Variants in OSBPL9 observed in about 807,000 individuals in gnomAD.
OSBPL9 encodes oxysterol binding protein like 9.
Under a neutral mutation model 106.6 loss-of-function variants are expected in OSBPL9, and 40 were observed. The observed-to-expected ratio is 0.38, with a 90% CI of 0.29 to 0.49. The LOEUF is 0.49. Ranked by LOEUF, OSBPL9 falls within the 20% of genes least tolerant of loss-of-function variation. The pLI, the probability that OSBPL9 is intolerant of heterozygous loss-of-function variation, is 0.97. For missense variants in OSBPL9, 609 were observed against 887.2 expected, an observed-to-expected ratio of 0.69 and a Z score of 3.98; for synonymous variants, 269 against 295.4, an observed-to-expected ratio of 0.91 and a Z score of 0.92.
intron 2 of OSBPL9, among the ~76,000 whole-genome samples, chr1:51,599,618 T>C (rs984986589): frequency 1.3e-5 from 2 of 152,228 alleles, no homozygotes; most frequent in African/African-American, 4.8e-5. Context: ...TCTGTTTTAA[T>C]CTTTTGATCC....
chr1:51,772,805 T>A, intron 14 of OSBPL9, 82 bp downstream of exon 14: 2 of 929,958 alleles, frequency 2.2e-6, no homozygotes, highest in Non-Finnish European at 3.6e-6. Context: ...GCAAATGTAG[T>A]AAAATGACAT....
the OSBPL9 span, among the ~76,000 whole-genome samples, chr1:51,538,045 C>T: frequency 1.2e-4 from 18 of 152,104 alleles, 1 homozygote; most frequent in East Asian, 3.3e-3. Context: ...AATCTCAGCA[C>T]TTTGGGAGGC....
intron 11 of OSBPL9, among the ~76,000 whole-genome samples, chr1:51,765,257 A>G (rs1435935784): frequency 6.6e-6 from 1 of 152,068 alleles, no homozygotes; most frequent in African/African-American, 2.4e-5. Context: ...GTAGTCCTCT[A>G]TTTTTATCTC....
chr1:51,549,605 GCAGATCACTTGAGGT>G, the OSBPL9 span, among the ~76,000 whole-genome samples: 1 of 152,212 alleles, frequency 6.6e-6, no homozygotes, highest in Non-Finnish European at 1.5e-5. Context: ...GCTGAGATGG[GCAGATCACTTGAGGT>G]CAGGAGTTAG....
the OSBPL9 span, among the ~76,000 whole-genome samples, chr1:51,530,182 A>AAAAAAAAAAAAAAAAAAC: frequency 8.6e-6 from 1 of 116,784 alleles, no homozygotes; most frequent in African/African-American, 4.3e-5. Context: ...AAAAAAAAAA[A>AAAAAAAAAAAAAAAAAAC]AAAAAAAAAA....
At position 51,729,617 on chromosome 1, in the gene OSBPL9, T is replaced by C; in HGVS notation, c.318+15538T>C. 4.6e-6 allele frequency: 1 copy of C among 215,982 alleles called. No individual in the cohort carries two copies. The highest frequency in any genetic ancestry group is 8.9e-6 in the Non-Finnish European group (1 of 112,670). The allele number at this position is 215,982 out of a possible 1,614,324, so 13.4% of individuals were successfully genotyped here. The stretch of plus-strand genomic sequence containing the variant: ...GGCGCTCCGGACGCCCTCCCGCCGC[T>C]GCGCACCCCTCCCGCGAGCTGCCAG... On this transcript the variant is annotated intron_variant, in intron 4 of 23. Coordinates refer to ENST00000428468, the MANE Select transcript of OSBPL9 (RefSeq NM_024586.6). The surrounding 1 kb of genome is among the most constrained non-coding windows in gnomAD (Gnocchi z 5.1).
intron 2 of OSBPL9, among the ~76,000 whole-genome samples, chr1:51,607,118 T>G (rs919442716): frequency 2.0e-5 from 3 of 150,498 alleles, no homozygotes; most frequent in African/African-American, 7.3e-5. Flanking sequence ...AAACCAACCA[T>G]AATCCCACAA....
upstream of OSBPL9, among the ~76,000 whole-genome samples, chr1:51,574,869 T>C (rs1450352548): frequency 6.6e-6 from 1 of 152,220 alleles, no homozygotes; most frequent in African/African-American, 2.4e-5. Flanking sequence ...TCAATTTCCA[T>C]TTACCCTGTT....
In OSBPL9 at chr1:51,779,045, C is replaced by T. The variant is rs114380888; in HGVS notation, c.1257-2119C>T. On this transcript the variant is annotated intron_variant, in intron 15 of 23. Coordinates refer to ENST00000428468, the MANE Select transcript of OSBPL9 (RefSeq NM_024586.6). ...AATCTATGATACTAGAAACCAGAAG[C>T]AGTGTTTGCCTCAGAGTAAGTAAGA... is the stretch of plus-strand genomic sequence containing the variant. Among the ~76,000 whole-genome samples, 861 of 152,226 alleles carry T rather than the reference C, an allele frequency of 5.7e-3. 2 individuals carry two copies. Among genetic ancestry groups the T allele is most frequent in the African/African-American group, 0.02 (816 of 41,532 alleles).
intron 4 of OSBPL9, among the ~76,000 whole-genome samples, chr1:51,718,772 A>C (rs1207770681): frequency 6.6e-6 from 1 of 152,182 alleles, no homozygotes; most frequent in Non-Finnish European, 1.5e-5. Flanking sequence ...TCAGTATCGA[A>C]TTATAGCCTG....
chr1:51,549,503 T>A, the OSBPL9 span, among the ~76,000 whole-genome samples: 1 of 152,216 alleles, frequency 6.6e-6, no homozygotes, highest in Non-Finnish European at 1.5e-5. Context: ...TGTCTGTGGG[T>A]CTGACTCCGT....
intron 3 of OSBPL9, among the ~76,000 whole-genome samples, chr1:51,697,677 G>A (rs1259884600): frequency 6.6e-6 from 1 of 151,200 alleles, no homozygotes; most frequent in African/African-American, 2.4e-5. Context: ...TGTGAGTTAC[G>A]CTGGAAGAGT....
chr1:51,764,850 G>T (rs1403732646), intron 11 of OSBPL9, among the ~76,000 whole-genome samples: 1 of 152,178 alleles, frequency 6.6e-6, no homozygotes, highest in East Asian at 1.9e-4. Flanking sequence ...CTCCCAAAGT[G>T]CTGGAATTAC....
intron 2 of OSBPL9, among the ~76,000 whole-genome samples, chr1:51,663,294 A>AGG (rs1647548244): frequency 3.3e-5 from 2 of 61,372 alleles, no homozygotes; most frequent in African/African-American, 5.1e-5. Context: ...TTATGCTGGC[A>AGG]AGTGTGTGTG....
the OSBPL9 span, among the ~76,000 whole-genome samples, chr1:51,564,578 T>A: frequency 6.6e-6 from 1 of 152,238 alleles, no homozygotes; most frequent in Non-Finnish European, 1.5e-5. Context: ...TCTGCCTGCC[T>A]GGCAGTTTGC....
At chr1:51,556,598 A>G in the OSBPL9 span, among the ~76,000 whole-genome samples, 1 of 152,208 alleles carries the variant, frequency 6.6e-6, no homozygotes, top group Non-Finnish European at 1.5e-5. Flanking sequence ...CAGCCTGGCC[A>G]ACATGGTGAA....
chr1:51,714,951 T>C (rs973409396), intron 4 of OSBPL9, among the ~76,000 whole-genome samples: 4 of 152,194 alleles, frequency 2.6e-5, no homozygotes, highest in African/African-American at 9.7e-5. Context: ...AAACAGATGT[T>C]GGGTGACATG....
At chr1:51,749,548 C>A (rs1279931950) in intron 7 of OSBPL9, 2 of 409,118 alleles carry the variant, frequency 4.9e-6, no homozygotes, top group Non-Finnish European at 1.0e-5. Flanking sequence ...TAGCCTCAAG[C>A]GATCCTCCTT....
upstream of OSBPL9, among the ~76,000 whole-genome samples, chr1:51,613,542 G>T (rs779825700): frequency 1.3e-5 from 2 of 152,162 alleles, no homozygotes; most frequent in African/African-American, 4.8e-5. Flanking sequence ...GGTTAAAAGT[G>T]ATAAGATATA....
Sources: allele counts gnomAD v4.1 joint callset (sites outside exome capture counted in the v4.1 genomes callset), GRCh38; gene constraint gnomAD v4.1.1; non-coding constraint Gnocchi (gnomAD v3.1); transcripts MANE v1.5; gene names NCBI Gene and HGNC (gene_info 2026-07-23, HGNC 2026-07-21).